Variants in LHPP observed in about 807,000 individuals in gnomAD.
LHPP encodes hLHPP.
In LHPP, 24 loss-of-function variants were observed where a neutral mutation model predicts 30.3. The observed-to-expected ratio is 0.79, with a 90% CI of 0.57 to 1.11. The LOEUF is 1.11. LHPP is among the 50% of genes most tolerant of loss of function. LHPP has a pLI of 0.00. For missense variants in LHPP, 356 were observed against 367.2 expected (o/e 0.97, Z 0.25); for synonymous variants, 150 against 157.1 (o/e 0.95, Z 0.34).
chr10:124,598,630 C>T (rs1407468500), intron 6 of LHPP, among the ~76,000 whole-genome samples: 2 of 108,844 alleles, frequency 1.8e-5, no homozygotes, highest in Non-Finnish European at 2.0e-5. Flanking sequence ...TCCACCCATC[C>T]GTCCGTCCAT....
rs529206480 is a variant in LHPP at position 124,496,666 on chromosome 10, A to T, written c.468-295A>T. Among the ~76,000 whole-genome samples the T allele has an allele frequency of 2.6e-5, 4 of 152,298 alleles. No homozygotes were observed. Among genetic ancestry groups the T allele is most frequent in the African/African-American group, 9.6e-5 (4 of 41,570 alleles). On this transcript the variant is annotated intron_variant, in intron 3 of 6. Coordinates refer to ENST00000368842, the MANE Select transcript of LHPP (RefSeq NM_022126.4). This position sits in a 1 kb window ranked among gnomAD's most constrained non-coding sequence, Gnocchi z 4.3. ...CCGTCTGCCTTCTGGGTCCCCTGTT[A>T]ATCATTGCAGCAGGGTCCCCACGAG...
chr10:124,529,026 C>CTTTT lies in LHPP; in HGVS notation c.716+11775_716+11778dup, dbSNP rs4022274. 1.7e-4 allele frequency among the ~76,000 whole-genome samples: 13 copies of CTTTT among 78,270 alleles called. 1 individual carries two copies. Among genetic ancestry groups the CTTTT allele is most frequent in the African/African-American group, 8.5e-4 (12 of 14,094 alleles). 51.3% of individuals were successfully genotyped at this position (78,270 alleles called of 152,430 possible). On this transcript the variant is annotated intron_variant, in intron 6 of 6. Transcript: ENST00000368842. Reference sequence around the variant, plus strand: ...CCTGGGTTTGTGAATTTGGGGGATTCTTTTTTTTTTTTTTTTTTTTTTTGA... The same window carrying CTTTT: ...CCTGGGTTTGTGAATTTGGGGGATTCTTTTTTTTTTTTTTTTTTTTTTTTTTTGA...
At chr10:124,524,527 T>C (rs943457238) in intron 6 of LHPP, among the ~76,000 whole-genome samples, 2 of 152,190 alleles carry the variant, frequency 1.3e-5, no homozygotes, top group African/African-American at 4.8e-5. Flanking sequence ...TCCCCCCGCC[T>C]TGACCTCCCA....
chr10:124,523,446 G>A lies in LHPP; in HGVS notation c.716+6175G>A, dbSNP rs1434004945. On this transcript the variant is annotated intron_variant, in intron 6 of 6. Coordinates refer to ENST00000368842, the MANE Select transcript of LHPP (RefSeq NM_022126.4). This position sits in a 1 kb window ranked among gnomAD's most constrained non-coding sequence, Gnocchi z 4.2. ...ACGCCTGGCCTTTGACCTTGGAAGCGGCTGCCGTCAAAGCAGCAGCTTGTC... is the reference window on the plus strand; with the variant it reads ...ACGCCTGGCCTTTGACCTTGGAAGCAGCTGCCGTCAAAGCAGCAGCTTGTC... Among the ~76,000 whole-genome samples the A allele has an allele frequency of 3.3e-5, 5 of 152,340 alleles. No individual in the cohort carries two copies. Among genetic ancestry groups the A allele is most frequent in the East Asian group, 1.9e-4 (1 of 5,180 alleles).
intron 5 of LHPP, among the ~76,000 whole-genome samples, chr10:124,509,012 A>G (rs985059511): frequency 5.9e-5 from 9 of 151,908 alleles, no homozygotes; most frequent in Non-Finnish European, 1.0e-4. Context: ...TAGTTTTTCA[A>G]TCCTCACCCT....
intron 6 of LHPP, among the ~76,000 whole-genome samples, chr10:124,557,425 G>A (rs138356874): frequency 1.4e-4 from 21 of 152,334 alleles, no homozygotes; most frequent in Admixed American, 9.1e-4. Flanking sequence ...AACCAGAGCC[G>A]CTGGACGAGT....
chr10:124,474,144 T>C (rs991246273), intron 1 of LHPP, among the ~76,000 whole-genome samples: 2 of 143,100 alleles, frequency 1.4e-5, no homozygotes, highest in South Asian at 2.3e-4. Flanking sequence ...TTTTTTTTTT[T>C]TTTTTTTTTT....
intron 6 of LHPP, among the ~76,000 whole-genome samples, chr10:124,583,240 T>C (rs894126566): frequency 6.6e-6 from 1 of 152,234 alleles, no homozygotes; most frequent in Non-Finnish European, 1.5e-5. Flanking sequence ...CATGTAGATT[T>C]ACCCCTGTGT....
At chr10:124,520,413 G>A (rs997540006) in intron 6 of LHPP, among the ~76,000 whole-genome samples, 3 of 152,286 alleles carry the variant, frequency 2.0e-5, no homozygotes, top group Non-Finnish European at 2.9e-5. Flanking sequence ...AATGGCCAGG[G>A]TGGGGAGCAC....
intron 1 of LHPP, among the ~76,000 whole-genome samples, chr10:124,462,388 G>T (rs1952430039): frequency 6.6e-6 from 1 of 152,146 alleles, no homozygotes; most frequent in South Asian, 2.1e-4. Flanking sequence ...GAGGCTAGGG[G>T]GTTGGAGACC....
At chr10:124,584,586 G>C (rs1220275764) in intron 6 of LHPP, among the ~76,000 whole-genome samples, 2 of 152,040 alleles carry the variant, frequency 1.3e-5, no homozygotes, top group African/African-American at 4.8e-5. Flanking sequence ...TGCTAATCCT[G>C]TTCATGAGAG....
At chr10:124,558,349 T>C (rs1948337097) in intron 6 of LHPP, among the ~76,000 whole-genome samples, 1 of 152,218 alleles carries the variant, frequency 6.6e-6, no homozygotes, top group Non-Finnish European at 1.5e-5. Flanking sequence ...CGTGTTGCTA[T>C]GCACAGCCCT....
intron 6 of LHPP, among the ~76,000 whole-genome samples, chr10:124,534,681 G>A (rs541568957): frequency 3.0e-4 from 45 of 152,322 alleles, no homozygotes; most frequent in African/African-American, 9.9e-4. Context: ...GTGAGCGCCC[G>A]TCCTTCCCGC....
intron 6 of LHPP, among the ~76,000 whole-genome samples, chr10:124,564,951 G>A (rs1184350458): frequency 1.3e-5 from 2 of 152,336 alleles, no homozygotes; most frequent in Non-Finnish European, 2.9e-5. Context: ...ATATGTGGGA[G>A]CTAAGCTATG....
Position 124,488,568 on chromosome 10 carries a change from G to A in LHPP, c.460G>A (p.Gly154Arg), listed in dbSNP as rs777259817. Residue 154 changes from glycine to arginine, a missense_variant, in exon 3 of 7, where the codon GGA becomes AGA. Coordinates refer to ENST00000368842, the MANE Select transcript of LHPP (RefSeq NM_022126.4). ...ELEKPVLISL[G>R]KGRYYKETSG... is the part of the protein sequence containing the mutation. The stretch of plus-strand genomic sequence containing the variant: ...GGAAAAACCTGTGCTCATATCACTG[G>A]GAAAAGGGTAAGTTGGCTCCAGGGA... 6.2e-7 allele frequency: 1 copy of A among 1,609,132 alleles called. No homozygotes were observed.
In LHPP at chr10:124,523,650, C is replaced by CG. The variant is rs1333615510; in HGVS notation, c.716+6379_716+6380insG. On this transcript the variant is annotated intron_variant, in intron 6 of 6. Transcript: ENST00000368842. This position sits in a 1 kb window ranked among gnomAD's most constrained non-coding sequence, Gnocchi z 4.2. Reference sequence around the variant, plus strand: ...CATGTCAAAGTGAGTGGCTAGCAAGCAGGGGGGTCCAGGCTGTGGTGGCCC... The same window carrying CG: ...CATGTCAAAGTGAGTGGCTAGCAAGCGAGGGGGGTCCAGGCTGTGGTGGCCC... 1.3e-5 allele frequency among the ~76,000 whole-genome samples: 2 copies of CG among 152,168 alleles called. No homozygotes were observed. The highest frequency in any genetic ancestry group is 2.9e-5 in the Non-Finnish European group (2 of 68,036).
At chr10:124,486,184 A>G (rs779349200) in intron 2 of LHPP, among the ~76,000 whole-genome samples, 4 of 152,144 alleles carry the variant, frequency 2.6e-5, no homozygotes, top group South Asian at 2.1e-4. Flanking sequence ...GCATGCACCC[A>G]TGGAACCCAA....
At chr10:124,556,689 G>A (rs530406980) in intron 6 of LHPP, among the ~76,000 whole-genome samples, 1 of 152,290 alleles carries the variant, frequency 6.6e-6, no homozygotes, top group Non-Finnish European at 1.5e-5. Context: ...AAATAACACC[G>A]AGGACTAGCA....
chr10:124,467,420 C>T (rs1028013256), intron 1 of LHPP, among the ~76,000 whole-genome samples: 1 of 151,768 alleles, frequency 6.6e-6, no homozygotes, highest in African/African-American at 2.4e-5. Context: ...GGGGCGGGAA[C>T]CATGATGGCT....
Sources: gnomAD v4.1 joint callset for allele counts (sites outside exome capture counted in the v4.1 genomes callset) on GRCh38, gnomAD v4.1.1 for gene constraint, Gnocchi (gnomAD v3.1) non-coding constraint, MANE v1.5 for transcripts, NCBI Gene and HGNC (gene_info 2026-07-23, HGNC 2026-07-21) for gene names.